Variants in ZNF236 observed in about 807,000 individuals in gnomAD.
ZNF236 encodes zinc finger protein 236, also known as regulated by glucose.
In ZNF236, 50 loss-of-function variants were observed where a neutral mutation model predicts 191.2. The ratio of observed to expected loss-of-function variants is 0.26; its 90% CI spans 0.21 to 0.33. ZNF236 has a LOEUF of 0.33. Among genes scored for constraint, ZNF236 ranks in the 10% least tolerant of loss-of-function variants. The pLI is 1.00. For missense variants in ZNF236, 1,754 were observed against 2,374.5 expected, an observed-to-expected ratio of 0.74 and a Z score of 5.43; for synonymous variants, 907 against 928.8, an observed-to-expected ratio of 0.98 and a Z score of 0.43.
rs748028628 is a variant in ZNF236 at position 76,927,979 on chromosome 18, C to G, written c.4467C>G (p.Ser1489=). 1 of 1,613,640 alleles carries G rather than the reference C, an allele frequency of 6.2e-7. No individual in the cohort carries two copies. The change falls in exon 25 of 31, where the codon TCC becomes TCG. Residue 1489 remains serine, a synonymous_variant. Coordinates refer to ENST00000320610, the MANE Select transcript of ZNF236 (RefSeq NM_001306089.2). This position sits in a 1 kb window ranked among gnomAD's most constrained non-coding sequence, Gnocchi z 5.4. ...CTTCGCAAGGTCTAGTGTCCCCCTC[C>G]GGCGGTCCCCACGAGATCACCCTGA... ...VMTSQGLVSP[S]GGPHEITLTI...
At chr18:76,913,213 C>A (rs1333032237) in intron 17 of ZNF236, among the ~76,000 whole-genome samples, 1 of 152,102 alleles carries the variant, frequency 6.6e-6, no homozygotes, top group Non-Finnish European at 1.5e-5. Flanking sequence ...TAACATTAGT[C>A]TATTCAGTAA....
At chr18:76,932,416 T>C (rs1204042479) in intron 25 of ZNF236, among the ~76,000 whole-genome samples, 5 of 152,244 alleles carry the variant, frequency 3.3e-5, no homozygotes, top group African/African-American at 1.2e-4. Context: ...CTCCAAACGT[T>C]TTCTAAAACT....
At chr18:76,951,441 C>G (rs1202327251) in intron 27 of ZNF236, among the ~76,000 whole-genome samples, 1 of 152,164 alleles carries the variant, frequency 6.6e-6, no homozygotes, top group Non-Finnish European at 1.5e-5. Context: ...TGGAGGGTGG[C>G]TTCTTTCCTT....
intron 27 of ZNF236, among the ~76,000 whole-genome samples, chr18:76,955,570 T>G (rs1345694876): frequency 6.6e-6 from 1 of 152,250 alleles, no homozygotes; most frequent in African/African-American, 2.4e-5. Flanking sequence ...TGTTACGAAT[T>G]GTTTATCTAA....
chr18:76,889,639 A>G (rs1027047002), intron 9 of ZNF236, among the ~76,000 whole-genome samples: 1 of 152,248 alleles, frequency 6.6e-6, no homozygotes, highest in African/African-American at 2.4e-5. Context: ...GGGAGGATCC[A>G]TGTAAAGTGG....
At chr18:76,861,098 A>G (rs1017013814) in intron 3 of ZNF236, among the ~76,000 whole-genome samples, 1 of 152,192 alleles carries the variant, frequency 6.6e-6, no homozygotes, top group African/African-American at 2.4e-5. Flanking sequence ...ACATGAGCAG[A>G]GGGGAAAAAG....
At chr18:76,935,792 G>A (rs1037398114) in intron 25 of ZNF236, among the ~76,000 whole-genome samples, 1 of 152,248 alleles carries the variant, frequency 6.6e-6, no homozygotes, top group Non-Finnish European at 1.5e-5. Context: ...GTCAGCTGCT[G>A]TACTGGTCAC....
At chr18:76,871,289 G>C (rs1976577105) in intron 4 of ZNF236, among the ~76,000 whole-genome samples, 1 of 152,202 alleles carries the variant, frequency 6.6e-6, no homozygotes, top group Non-Finnish European at 1.5e-5. Context: ...AGGCAGAGTT[G>C]CTGGAGGTAG....
At chr18:76,901,440 A>G (rs1391601638) in intron 11 of ZNF236, among the ~76,000 whole-genome samples, 1 of 152,228 alleles carries the variant, frequency 6.6e-6, no homozygotes, top group Non-Finnish European at 1.5e-5. Context: ...CAAATTGACA[A>G]GATAGTAAAA....
At chr18:76,874,370 G>T (rs543216631) in intron 5 of ZNF236, among the ~76,000 whole-genome samples, 2 of 152,210 alleles carry the variant, frequency 1.3e-5, no homozygotes, top group Non-Finnish European at 2.9e-5. Flanking sequence ...AGAAATTTAA[G>T]TAGCCTTGCA....
At chr18:76,879,468 T>G (rs1456454396) in intron 7 of ZNF236, among the ~76,000 whole-genome samples, 1 of 152,220 alleles carries the variant, frequency 6.6e-6, no homozygotes, top group Non-Finnish European at 1.5e-5. Context: ...ATAGTTTTTG[T>G]CAGGGTTTAC....
At chr18:76,874,653 G>A (rs764222783) in intron 5 of ZNF236, among the ~76,000 whole-genome samples, 22 of 152,168 alleles carry the variant, frequency 1.4e-4, no homozygotes, top group Admixed American at 9.2e-4. Context: ...ATGTTAAATG[G>A]AATGGACCGG....
rs750786654 is a variant in ZNF236 at position 76,824,310 on chromosome 18, G to A, written c.55+1648G>A. ...TAGAGTTAACACACGTGCACATTAC[G>A]GAAACGTTGGTGACCAACAGGCGTT... On this transcript the variant is annotated intron_variant, in intron 1 of 30. Coordinates refer to ENST00000320610, the MANE Select transcript of ZNF236 (RefSeq NM_001306089.2). 7 of 780,900 alleles carry A rather than the reference G, an allele frequency of 9.0e-6. No homozygotes were observed. In the East Asian group the frequency reaches 1.2e-4, roughly 14 times the overall value. The allele number at this position is 780,900 out of a possible 1,614,324, so 48.4% of individuals were successfully genotyped here.
At chr18:76,889,213 G>C (rs1290650705) in intron 9 of ZNF236, among the ~76,000 whole-genome samples, 2 of 152,152 alleles carry the variant, frequency 1.3e-5, no homozygotes, top group Non-Finnish European at 2.9e-5. Context: ...GAAGCTCACC[G>C]GCAGGGCCAC....
chr18:76,879,256 G>C (rs539908016), intron 7 of ZNF236, among the ~76,000 whole-genome samples: 7 of 152,080 alleles, frequency 4.6e-5, no homozygotes, highest in African/African-American at 1.2e-4. Flanking sequence ...TAGAAACCTG[G>C]AATCTCCCTT....
chr18:76,897,543 A>G (rs985029981), intron 10 of ZNF236, among the ~76,000 whole-genome samples: 2 of 151,064 alleles, frequency 1.3e-5, no homozygotes, highest in African/African-American at 4.9e-5. Context: ...TGCTGCACAC[A>G]GGGACCAGTG....
chr18:76,843,270 T>TA (rs538294217), intron 1 of ZNF236, among the ~76,000 whole-genome samples: 24 of 147,126 alleles, frequency 1.6e-4, no homozygotes, highest in South Asian at 1.1e-3. Context: ...GGGAAGAGGT[T>TA]AAAAAAAAAA....
At chr18:76,914,456 T>G (rs1967301585) in intron 18 of ZNF236, among the ~76,000 whole-genome samples, 1 of 152,238 alleles carries the variant, frequency 6.6e-6, no homozygotes, top group Non-Finnish European at 1.5e-5. Flanking sequence ...GGTCATATGT[T>G]AACTCTGTTA....
At chr18:76,834,411 C>G (rs1385245630) in intron 1 of ZNF236, 3 of 177,570 alleles carry the variant, frequency 1.7e-5, no homozygotes, top group Non-Finnish European at 3.5e-5. Flanking sequence ...TTAATGAAAG[C>G]TTGTATATAA....
Sources: gnomAD v4.1 joint callset for allele counts (sites outside exome capture counted in the v4.1 genomes callset) on GRCh38, gnomAD v4.1.1 for gene constraint, Gnocchi (gnomAD v3.1) non-coding constraint, MANE v1.5 for transcripts, NCBI Gene and HGNC (gene_info 2026-07-23, HGNC 2026-07-21) for gene names.